The following ELP4 variants were observed in gnomAD, a reference collection of about 807,000 sequenced individuals.
ELP4 encodes elongator complex protein 4.
A neutral mutation model predicts 48.9 loss-of-function variants in ELP4; 51 were observed. The observed-to-expected ratio is 1.04, with a 90% CI of 0.83 to 1.32. The LOEUF (loss-of-function observed/expected upper bound fraction) is 1.32, where lower values mean the gene tolerates loss of function less well. Among genes scored for constraint, ELP4 ranks in the 40% most tolerant of loss-of-function variants. ELP4 has a pLI of 0.00. For synonymous variants in ELP4, 210 were observed against 189.2 expected, an observed-to-expected ratio of 1.11 and a Z score of -0.90; for missense variants, 519 against 514.6, an observed-to-expected ratio of 1.01 and a Z score of -0.08.
At chr11:31,695,116 A>T (rs956051505) in intron 9 of ELP4, among the ~76,000 whole-genome samples, 2 of 152,106 alleles carry the variant, frequency 1.3e-5, no homozygotes, top group African/African-American at 4.8e-5. Context: ...GGACAATTGG[A>T]CTTCCTCTCT....
chr11:31,592,584 G>A (rs972174636), intron 3 of ELP4, among the ~76,000 whole-genome samples: 4 of 149,736 alleles, frequency 2.7e-5, no homozygotes, highest in South Asian at 4.2e-4. Flanking sequence ...CCTTATATAT[G>A]TATATGTATA....
chr11:31,782,461 G>A (rs1412738511), intron 9 of ELP4, among the ~76,000 whole-genome samples: 1 of 152,194 alleles, frequency 6.6e-6, no homozygotes, highest in Non-Finnish European at 1.5e-5. Context: ...ACCACTTTGT[G>A]TCTCACACAA....
chr11:31,555,248 G>A (rs1956912106), intron 3 of ELP4, among the ~76,000 whole-genome samples: 1 of 152,048 alleles, frequency 6.6e-6, no homozygotes, highest in African/African-American at 2.4e-5. Context: ...TGTCTTTGAA[G>A]GGTTCAATGT....
At chr11:31,781,097 A>G (rs1948363691) in intron 9 of ELP4, among the ~76,000 whole-genome samples, 1 of 152,206 alleles carries the variant, frequency 6.6e-6, no homozygotes, top group South Asian at 2.1e-4. Context: ...CTGTATTGTA[A>G]GGAAATGAAT....
chr11:31,599,586 G>A (rs1303817356), intron 4 of ELP4: 1 of 151,652 alleles, frequency 6.6e-6, no homozygotes, highest in Admixed American at 6.6e-5. Flanking sequence ...ACAAACAAAA[G>A]AGGTTTAATT....
chr11:31,648,608 T>C (rs1945255730), intron 8 of ELP4: 1 of 151,544 alleles, frequency 6.6e-6, no homozygotes, highest in Non-Finnish European at 1.5e-5. Context: ...AATAAATTAT[T>C]GCTACCATTG....
intron 2 of ELP4, among the ~76,000 whole-genome samples, chr11:31,530,223 C>A (rs539629464): frequency 6.6e-6 from 1 of 152,246 alleles, no homozygotes; most frequent in East Asian, 1.9e-4. Flanking sequence ...GTTTTAATAA[C>A]TGAAACTAGT....
At chr11:31,526,748 C>T (rs953583027) in intron 2 of ELP4, among the ~76,000 whole-genome samples, 1 of 151,964 alleles carries the variant, frequency 6.6e-6, no homozygotes, top group Non-Finnish European at 1.5e-5. Flanking sequence ...CTCATTCTAA[C>T]TTTCCAAGGA....
intron 9 of ELP4, among the ~76,000 whole-genome samples, chr11:31,712,208 G>A (rs565434674): frequency 3.3e-5 from 5 of 151,704 alleles, no homozygotes; most frequent in African/African-American, 9.7e-5. Flanking sequence ...AATTGTGTAC[G>A]TTTGTGAAGC....
intron 3 of ELP4, among the ~76,000 whole-genome samples, chr11:31,540,401 A>T (rs1191164688): frequency 6.6e-6 from 1 of 152,260 alleles, no homozygotes; most frequent in African/African-American, 2.4e-5. Context: ...TAAATATTTT[A>T]CATTTCTACT....
chr11:31,590,248 A>G (rs1358901324), intron 3 of ELP4, among the ~76,000 whole-genome samples: 1 of 152,176 alleles, frequency 6.6e-6, no homozygotes, highest in Non-Finnish European at 1.5e-5. Flanking sequence ...AGTACTATAT[A>G]TATATATGTA....
intron 9 of ELP4, among the ~76,000 whole-genome samples, chr11:31,722,209 CTTA>C (rs1335046677): frequency 3.9e-5 from 6 of 152,150 alleles, no homozygotes; most frequent in Admixed American, 3.9e-4. Context: ...ACAGAAAACT[CTTA>C]ATATATTATT....
intron 2 of ELP4, among the ~76,000 whole-genome samples, chr11:31,536,222 CCTT>C (rs1956499196): frequency 6.6e-6 from 1 of 151,868 alleles, no homozygotes; most frequent in African/African-American, 2.4e-5. Flanking sequence ...CTGTCATAAA[CCTT>C]CTGTATAAAT....
intron 3 of ELP4, among the ~76,000 whole-genome samples, chr11:31,553,764 A>ACACC (rs1491538602): frequency 0.02 from 2,809 of 142,032 alleles, 92 homozygotes; most frequent in African/African-American, 0.067. Context: ...ACACACACAC[A>ACACC]CCCTATTGGT....
chr11:31,553,772 G>A (rs2133932118), intron 3 of ELP4, among the ~76,000 whole-genome samples: 1 of 131,510 alleles, frequency 7.6e-6, no homozygotes, highest in African/African-American at 3.1e-5. Context: ...ACACCCTATT[G>A]GTTCAGTTTC....
intron 3 of ELP4, among the ~76,000 whole-genome samples, chr11:31,544,567 G>A (rs1956661331): frequency 6.6e-6 from 1 of 152,224 alleles, no homozygotes; most frequent in African/African-American, 2.4e-5. Context: ...CCACCTCTCG[G>A]GGCAGGGCAC....
intron 9 of ELP4, among the ~76,000 whole-genome samples, chr11:31,760,594 A>C (rs1947924753): frequency 6.6e-6 from 1 of 152,202 alleles, no homozygotes; most frequent in African/African-American, 2.4e-5. Context: ...CAAGATTCCT[A>C]ATAGGTCCCA....
In ELP4 at chr11:31,685,930, TAA is replaced by T. The variant is rs58204467; in HGVS notation, c.1143+35725_1143+35726del. On this transcript the variant is annotated intron_variant, in intron 9 of 9. Transcript: ENST00000640961. Reference sequence around the variant, plus strand: ...TGGACAACAGACTGAGACTCCATCTTAAAAAAAAAAAAAAAAATCTTTCCTAT... The same window carrying T: ...TGGACAACAGACTGAGACTCCATCTTAAAAAAAAAAAAAAATCTTTCCTAT... Among the ~76,000 whole-genome samples the T allele has an allele frequency of 1.9e-3, 269 of 142,674 alleles. 1 individual carries two copies. Among genetic ancestry groups the T allele is most frequent in the Middle Eastern group, 3.6e-3 (1 of 280 alleles). The allele number at this position is 142,674 out of a possible 152,430, so 93.6% of individuals were successfully genotyped here. A position where few individuals can be genotyped will look rare whatever the true frequency, so the allele number is the denominator to read the frequency against.
intron 2 of ELP4, among the ~76,000 whole-genome samples, chr11:31,524,867 C>T (rs907416648): frequency 3.9e-5 from 6 of 152,030 alleles, no homozygotes; most frequent in Non-Finnish European, 7.4e-5. Flanking sequence ...TACCTGTAGT[C>T]CCAGCTACTC....
Sources: gnomAD v4.1 joint callset for allele counts (sites outside exome capture counted in the v4.1 genomes callset) on GRCh38, gnomAD v4.1.1 for gene constraint, MANE v1.5 for transcripts, NCBI Gene and HGNC (gene_info 2026-07-23, HGNC 2026-07-21) for gene names.